SVIL: variants seen among roughly 807,000 people sequenced by gnomAD.
The protein encoded by SVIL is supervillin.
A neutral mutation model predicts 240.4 loss-of-function variants in SVIL; 101 were observed. The observed-to-expected ratio is 0.42, with a 90% CI of 0.36 to 0.50. The LOEUF (loss-of-function observed/expected upper bound fraction) is 0.50, where lower values mean the gene tolerates loss of function less well. SVIL is among the 20% of genes least tolerant of loss of function. The pLI, the probability that SVIL is intolerant of heterozygous loss-of-function variation, is 0.01. For missense variants in SVIL, 2,512 were observed against 2,818.7 expected, an observed-to-expected ratio of 0.89 and a Z score of 2.46; for synonymous variants, 999 against 1,100.0, an observed-to-expected ratio of 0.91 and a Z score of 1.82.
Position 29,488,593 on chromosome 10 carries a change from T to A in SVIL, c.4348+8A>T, listed in dbSNP as rs746468214. ...CCTGAGTCACCGTGCCAGGCTGCTC[T>A]GAAATACCTTTAATCTGCAACAGCA... On this transcript the variant is annotated splice_region_variant and intron_variant, in intron 23 of 37. Transcript: ENST00000355867. 2 of 1,580,168 alleles carry A rather than the reference T, an allele frequency of 1.3e-6. No individual in the cohort carries two copies. The highest frequency in any genetic ancestry group is 2.7e-5 in the African/African-American group (2 of 73,020).
chr10:29,498,381 G>T (rs1279290453), intron 18 of SVIL, among the ~76,000 whole-genome samples: 2 of 152,108 alleles, frequency 1.3e-5, no homozygotes. Context: ...TCACACCATT[G>T]CACTCCAGCC....
At chr10:29,609,273 T>C (rs1247181484) in intron 1 of SVIL, among the ~76,000 whole-genome samples, 1 of 152,192 alleles carries the variant, frequency 6.6e-6, no homozygotes, top group East Asian at 1.9e-4. Flanking sequence ...GACATGCTCC[T>C]GGGCTATGGG....
chr10:29,664,938 C>T (rs1396557154), intron 2 of SVIL, among the ~76,000 whole-genome samples: 1 of 151,960 alleles, frequency 6.6e-6, no homozygotes, highest in Non-Finnish European at 1.5e-5. Flanking sequence ...CATGTAGGCA[C>T]CTCAATAAAA....
intron 17 of SVIL, among the ~76,000 whole-genome samples, chr10:29,509,720 C>T (rs1054219191): frequency 3.9e-5 from 6 of 152,072 alleles, no homozygotes; most frequent in African/African-American, 1.4e-4. Context: ...CATGGTGGCA[C>T]ATGCCTGTAA....
intron 13 of SVIL, among the ~76,000 whole-genome samples, chr10:29,525,550 G>A (rs2132539139): frequency 6.6e-6 from 1 of 152,278 alleles, no homozygotes; most frequent in Admixed American, 6.5e-5. Context: ...TGAGGTAGAG[G>A]CTGCAGTGTG....
At position 29,734,490 on chromosome 10, in the gene SVIL, T is replaced by A. The variant is rs148618956; in HGVS notation, c.-400+1261A>T. 4.6e-5 allele frequency among the ~76,000 whole-genome samples: 7 copies of A among 152,356 alleles called. No individual in the cohort carries two copies. In the East Asian group the frequency reaches 1.3e-3, roughly 29 times the overall value. On this transcript the variant is annotated intron_variant, in intron 1 of 35. Transcript: ENST00000375400. ...TTAACCTCTTTAAGCCTCAGTTTCC[T>A]CATCTGTGAAACAGAAATAACCTCC... is the stretch of plus-strand genomic sequence containing the variant.
intron 1 of SVIL, among the ~76,000 whole-genome samples, chr10:29,614,769 C>T (rs963116624): frequency 3.3e-5 from 5 of 152,090 alleles, no homozygotes; most frequent in Non-Finnish European, 5.9e-5. Context: ...ATGTAACAAA[C>T]CTGCATGTTC....
chr10:29,660,779 G>A (rs1959134742), intron 2 of SVIL, among the ~76,000 whole-genome samples: 1 of 152,218 alleles, frequency 6.6e-6, no homozygotes, highest in Non-Finnish European at 1.5e-5. Context: ...CTCATAGTGT[G>A]CACAGCAATC....
At chr10:29,695,428 C>G (rs1961851726) in intron 1 of SVIL, among the ~76,000 whole-genome samples, 3 of 152,110 alleles carry the variant, frequency 2.0e-5, no homozygotes, top group Admixed American at 1.3e-4. Context: ...ATTTGTATCC[C>G]TAAAGCTGTT....
chr10:29,529,650 A>AT (rs1306002525), intron 12 of SVIL, 55 bp downstream of exon 12: 41 of 1,523,400 alleles, frequency 2.7e-5, no homozygotes, highest in African/African-American at 7.0e-5. Flanking sequence ...CTTTAAATGT[A>AT]TTTTTTTAAA....
At chr10:29,573,091 T>C (rs562724126) in intron 1 of SVIL, among the ~76,000 whole-genome samples, 44 of 152,150 alleles carry the variant, frequency 2.9e-4, no homozygotes, top group Non-Finnish European at 5.6e-4. Flanking sequence ...AAGGGGTATG[T>C]GTGCAGGTTT....
At chr10:29,588,484 G>C (rs1467225907) in intron 1 of SVIL, among the ~76,000 whole-genome samples, 1 of 152,160 alleles carries the variant, frequency 6.6e-6, no homozygotes, top group Non-Finnish European at 1.5e-5. Flanking sequence ...AATGGAGTCT[G>C]GGATGTCTGA....
At chr10:29,459,202 T>C (rs1417794787) in intron 36 of SVIL, among the ~76,000 whole-genome samples, 1 of 152,154 alleles carries the variant, frequency 6.6e-6, no homozygotes, top group Non-Finnish European at 1.5e-5. Flanking sequence ...CTTAAACTCC[T>C]GGACTCAAGC....
intron 17 of SVIL, among the ~76,000 whole-genome samples, chr10:29,510,858 C>A (rs1406911512): frequency 8.2e-6 from 1 of 121,250 alleles, no homozygotes; most frequent in Non-Finnish European, 1.7e-5. Flanking sequence ...ACAGTGCCAG[C>A]CCTCGGGAAG....
At chr10:29,708,260 A>G (rs1963043321) in intron 1 of SVIL, among the ~76,000 whole-genome samples, 2 of 110,420 alleles carry the variant, frequency 1.8e-5, no homozygotes, top group Non-Finnish European at 3.5e-5. Context: ...TCCATCTCAA[A>G]AAAAAAAAAA....
chr10:29,623,856 C>A (rs1407339970), intron 1 of SVIL, among the ~76,000 whole-genome samples: 2 of 152,006 alleles, frequency 1.3e-5, no homozygotes, highest in Non-Finnish European at 2.9e-5. Flanking sequence ...ATCTCAAAAA[C>A]AACAACAACA....
At chr10:29,717,152 G>T (rs959702617) in intron 1 of SVIL, among the ~76,000 whole-genome samples, 9 of 141,088 alleles carry the variant, frequency 6.4e-5, no homozygotes, top group African/African-American at 2.4e-4. Flanking sequence ...AGAATGGCGT[G>T]AACCCGGGAG....
intron 2 of SVIL, among the ~76,000 whole-genome samples, chr10:29,659,231 G>C (rs1015980687): frequency 3.3e-5 from 5 of 152,148 alleles, no homozygotes; most frequent in African/African-American, 7.2e-5. Flanking sequence ...AACACAGAAG[G>C]CTCCAGCCCT....
intron 3 of SVIL, among the ~76,000 whole-genome samples, chr10:29,651,269 TA>T (rs752485997): frequency 1.3e-5 from 2 of 152,090 alleles, no homozygotes; most frequent in Non-Finnish European, 2.9e-5. Flanking sequence ...GCAGAGCAGG[TA>T]AAGATCCAAG....
Sources: allele counts gnomAD v4.1 joint callset (sites outside exome capture counted in the v4.1 genomes callset), GRCh38; gene constraint gnomAD v4.1.1; transcripts MANE v1.5; gene names NCBI Gene and HGNC (gene_info 2026-07-23, HGNC 2026-07-21).